The following SAMD4A variants were observed in gnomAD, a reference collection of about 807,000 sequenced individuals.
SAMD4A encodes the protein sterile alpha motif domain containing 4A, also known as protein Smaug homolog 1.
SAMD4A carries 33 observed loss-of-function variants against 81.3 expected under a neutral mutation model. The ratio of observed to expected loss-of-function variants is 0.41; its 90% CI spans 0.31 to 0.54. SAMD4A has a LOEUF of 0.54. Among genes scored for constraint, SAMD4A ranks in the 20% least tolerant of loss-of-function variants. The pLI, the probability that SAMD4A is intolerant of heterozygous loss-of-function variation, is 0.37. For synonymous variants in SAMD4A, 389 were observed against 382.1 expected (o/e 1.02, Z -0.21); for missense variants, 854 against 951.1 (o/e 0.90, Z 1.34).
rs75036015 is a variant in SAMD4A at position 54,764,933 on chromosome 14, G to A, written c.1596+393G>A. The stretch of plus-strand genomic sequence containing the variant: ...GCTCAGGGAACTGGAGAGAGGAAGG[G>A]AGAAAGAGAGCCCATAAAGAAATAA... On this transcript the variant is annotated intron_variant, in intron 8 of 12. Coordinates refer to ENST00000554335, the MANE Select transcript of SAMD4A (RefSeq NM_015589.6). Among the ~76,000 whole-genome samples, 1,170 of 152,308 alleles carry A rather than the reference G, an allele frequency of 7.7e-3. 17 individuals are homozygous for A. Among genetic ancestry groups the A allele is most frequent in the African/African-American group, 0.027 (1,122 of 41,546 alleles).
intron 3 of SAMD4A, among the ~76,000 whole-genome samples, chr14:54,716,213 C>A (rs2037113582): frequency 6.6e-6 from 1 of 152,140 alleles, no homozygotes. Context: ...CAAAAACTAC[C>A]CATTTTCGGT....
chr14:54,774,845 C>T (rs2038799142), intron 9 of SAMD4A, 89 bp from the exon 10 acceptor site: 1 of 1,229,700 alleles, frequency 8.1e-7, no homozygotes. Context: ...ATGAGGAGAC[C>T]TCCAAGGCGA....
chr14:54,685,261 C>T (rs755374460), intron 2 of SAMD4A, among the ~76,000 whole-genome samples: 1 of 87,216 alleles, frequency 1.1e-5, no homozygotes, highest in Non-Finnish European at 2.8e-5. Flanking sequence ...AACAATAACT[C>T]CCCATTCTTC....
intron 2 of SAMD4A, among the ~76,000 whole-genome samples, chr14:54,595,703 A>G (rs999760446): frequency 5.9e-5 from 9 of 152,166 alleles, no homozygotes; most frequent in Admixed American, 1.3e-4. Context: ...AAGCTTCAAT[A>G]TAACATATTT....
intron 2 of SAMD4A, among the ~76,000 whole-genome samples, chr14:54,669,115 G>A (rs1445619257): frequency 6.6e-6 from 1 of 152,240 alleles, no homozygotes; most frequent in Non-Finnish European, 1.5e-5. Context: ...CGCAGCCACA[G>A]GGCTGTGGAG....
chr14:54,768,628 C>T (rs1052721960), intron 8 of SAMD4A, among the ~76,000 whole-genome samples: 2 of 152,332 alleles, frequency 1.3e-5, no homozygotes, highest in Admixed American at 6.5e-5. Flanking sequence ...CCAGCAGAAA[C>T]GCTTGCCTTT....
At chr14:54,688,105 T>C (rs2036325144) in intron 2 of SAMD4A, 1 of 985,410 alleles carries the variant, frequency 1.0e-6, no homozygotes, top group Admixed American at 6.1e-5. Context: ...ACCTAACACC[T>C]GGTTCAACTG....
chr14:54,590,192 A>G (rs544941116), intron 2 of SAMD4A, among the ~76,000 whole-genome samples: 31 of 152,358 alleles, frequency 2.0e-4, no homozygotes, highest in African/African-American at 7.5e-4. Context: ...AGAAAAATAA[A>G]GCAGGGGAAA....
At chr14:54,776,721 C>G (rs148823089) in intron 11 of SAMD4A, among the ~76,000 whole-genome samples, 181 bp downstream of exon 11, 1 of 152,184 alleles carries the variant, frequency 6.6e-6, no homozygotes, top group Non-Finnish European at 1.5e-5. Flanking sequence ...TGGCTGAGAG[C>G]CAGCATGTGG....
chr14:54,638,273 G>C (rs191506260), intron 2 of SAMD4A, among the ~76,000 whole-genome samples: 4 of 152,192 alleles, frequency 2.6e-5, no homozygotes, highest in Non-Finnish European at 5.9e-5. Context: ...CGGAGCAGCT[G>C]GTCTTAGCAG....
chr14:54,773,138 C>A (rs536226129), intron 9 of SAMD4A, among the ~76,000 whole-genome samples: 2 of 152,222 alleles, frequency 1.3e-5, no homozygotes, highest in Non-Finnish European at 2.9e-5. Flanking sequence ...TAGAAAGGCA[C>A]AAGCCCAGAA....
At chr14:54,770,251 C>T (rs754386232) in intron 9 of SAMD4A, 29 bp downstream of exon 9, 37 of 1,468,734 alleles carry the variant, frequency 2.5e-5, no homozygotes, top group Non-Finnish European at 3.3e-5. Context: ...CTTTGTAATG[C>T]GTAGTGGTTC....
intron 2 of SAMD4A, among the ~76,000 whole-genome samples, chr14:54,652,492 A>T (rs542747169): frequency 2.0e-5 from 3 of 152,182 alleles, no homozygotes; most frequent in African/African-American, 7.2e-5. Flanking sequence ...TTAAAAATAC[A>T]TTTAATTATA....
At chr14:54,782,929 C>G (rs2039035620) in intron 11 of SAMD4A, among the ~76,000 whole-genome samples, 1 of 152,184 alleles carries the variant, frequency 6.6e-6, no homozygotes, top group South Asian at 2.1e-4. Flanking sequence ...AAGGAGCAGG[C>G]AAGTGGCCTG....
intron 2 of SAMD4A, among the ~76,000 whole-genome samples, chr14:54,592,354 CAT>C (rs1401960517): frequency 6.6e-6 from 1 of 152,252 alleles, no homozygotes; most frequent in Non-Finnish European, 1.5e-5. Context: ...AGCTCACACA[CAT>C]GCTACACTTT....
chr14:54,761,194 A>C (rs536442697), intron 7 of SAMD4A, among the ~76,000 whole-genome samples: 2 of 152,330 alleles, frequency 1.3e-5, no homozygotes, highest in South Asian at 4.1e-4. Context: ...AGCTTACTTA[A>C]TTCCCAAGTT....
chr14:54,638,089 A>G (rs1277522255), intron 2 of SAMD4A, among the ~76,000 whole-genome samples: 1 of 152,160 alleles, frequency 6.6e-6, no homozygotes, highest in Non-Finnish European at 1.5e-5. Context: ...AGAAATCTCT[A>G]TGGCTATTTT....
chr14:54,677,713 A>G (rs1357990435), intron 2 of SAMD4A, among the ~76,000 whole-genome samples: 1 of 152,256 alleles, frequency 6.6e-6, no homozygotes, highest in Non-Finnish European at 1.5e-5. Flanking sequence ...GTTCCTCTCC[A>G]TAACCCACAC....
chr14:54,632,244 G>A (rs760057600), intron 2 of SAMD4A, among the ~76,000 whole-genome samples: 21 of 152,056 alleles, frequency 1.4e-4, no homozygotes, highest in Non-Finnish European at 2.2e-4. Context: ...ACGATTATAC[G>A]GTAATGATTT....
Sources: allele counts gnomAD v4.1 joint callset (sites outside exome capture counted in the v4.1 genomes callset), GRCh38; gene constraint gnomAD v4.1.1; transcripts MANE v1.5; gene names NCBI Gene and HGNC (gene_info 2026-07-23, HGNC 2026-07-21).